VDAC1: variants seen among roughly 807,000 people sequenced by gnomAD.
The protein encoded by VDAC1 is voltage dependent anion channel 1.
A neutral mutation model predicts 34.7 loss-of-function variants in VDAC1; 10 were observed. The observed-to-expected ratio is 0.29, with a 90% CI of 0.18 to 0.49. VDAC1 has a LOEUF of 0.49. Among genes scored for constraint, VDAC1 ranks in the 20% least tolerant of loss-of-function variants. The probability of loss-of-function intolerance (pLI) is 0.99; values close to 1 mark genes in which losing one functional copy is unlikely to be tolerated. For synonymous variants in VDAC1, 130 were observed against 136.0 expected, an observed-to-expected ratio of 0.96 and a Z score of 0.30; for missense variants, 230 against 347.9, an observed-to-expected ratio of 0.66 and a Z score of 2.69.
chr5:134,071,296 G>A, the VDAC1 span, among the ~76,000 whole-genome samples: 1 of 152,224 alleles, frequency 6.6e-6, no homozygotes, highest in Non-Finnish European at 1.5e-5. The surrounding 1 kb of genome is among the most constrained non-coding windows in gnomAD (Gnocchi z 4.1). Flanking sequence ...GGCAGCCAGC[G>A]CGGCCACTTC....
At chr5:134,080,318 G>A in the VDAC1 span, among the ~76,000 whole-genome samples, 2 of 152,194 alleles carry the variant, frequency 1.3e-5, no homozygotes, top group Non-Finnish European at 2.9e-5. Context: ...CCCGGCCTGG[G>A]GTCGAGCCAG....
At chr5:133,988,815 T>G (rs545274438) in intron 5 of VDAC1, 1 of 151,362 alleles carries the variant, frequency 6.6e-6, no homozygotes, top group African/African-American at 2.4e-5. Flanking sequence ...TGTTTTATAC[T>G]GCATGGCCTG....
chr5:133,997,707 C>CAAAAAA (rs67591375), intron 1 of VDAC1, among the ~76,000 whole-genome samples: 45 of 57,500 alleles, frequency 7.8e-4, no homozygotes, highest in African/African-American at 1.3e-3. Context: ...GACTGTCTCA[C>CAAAAAA]AAAAAAAAAA....
chr5:133,973,772 A>G lies in VDAC1; in HGVS notation c.760+19T>C, dbSNP rs1401766396. The G allele has an allele frequency of 1.2e-6, 2 of 1,605,062 alleles. No individual in the cohort carries two copies. The highest frequency in any genetic ancestry group is 4.5e-5 in the East Asian group (2 of 44,840). ...TTTTTTAAGATAAAGAACCGATTTC[A>G]CACACAAGCAACACATACCTGGCTT... is the stretch of plus-strand genomic sequence containing the variant. On this transcript the variant is annotated intron_variant, in intron 8 of 8. Transcript: ENST00000265333.
chr5:134,102,487 G>A, the VDAC1 span, among the ~76,000 whole-genome samples: 11,307 of 152,050 alleles, frequency 0.074, 754 homozygotes, highest in East Asian at 0.37. Context: ...TGACCAACAT[G>A]GAGAAACCCC....
At chr5:134,087,576 C>T in the VDAC1 span, among the ~76,000 whole-genome samples, 373 of 152,300 alleles carry the variant, frequency 2.4e-3, 3 homozygotes, top group African/African-American at 8.6e-3. Flanking sequence ...AAAGAGCGGC[C>T]GGGCATGGTG....
chr5:134,008,401 CAAG>C (rs1753789170), upstream of VDAC1, among the ~76,000 whole-genome samples: 1 of 152,314 alleles, frequency 6.6e-6, no homozygotes, highest in African/African-American at 2.4e-5. Context: ...CTCCTCCATT[CAAG>C]AAGAACAATG....
chr5:134,087,642 G>A, the VDAC1 span, among the ~76,000 whole-genome samples: 1 of 152,118 alleles, frequency 6.6e-6, no homozygotes, highest in Non-Finnish European at 1.5e-5. Flanking sequence ...ATCACCTGAG[G>A]TCAGGAGTTC....
chr5:134,003,507 C>T (rs891531055), intron 1 of VDAC1, among the ~76,000 whole-genome samples: 2 of 152,188 alleles, frequency 1.3e-5, no homozygotes, highest in Non-Finnish European at 2.9e-5. Context: ...CAAGATTTTT[C>T]ATAAATTAAG....
the VDAC1 span, among the ~76,000 whole-genome samples, chr5:134,053,677 G>A: frequency 6.6e-6 from 1 of 152,212 alleles, no homozygotes; most frequent in Non-Finnish European, 1.5e-5. Flanking sequence ...TTTCTCTCCA[G>A]CCTCCACTTT....
At chr5:134,067,832 C>T in the VDAC1 span, among the ~76,000 whole-genome samples, 2 of 152,154 alleles carry the variant, frequency 1.3e-5, no homozygotes, top group African/African-American at 4.8e-5. Context: ...GAATGCTTCA[C>T]TTCAGTTGGG....
At chr5:134,044,051 C>T in the VDAC1 span, among the ~76,000 whole-genome samples, 3 of 152,154 alleles carry the variant, frequency 2.0e-5, no homozygotes, top group African/African-American at 2.4e-5. Flanking sequence ...GCACAGACTG[C>T]GACTCAAACC....
At chr5:134,087,033 G>A in the VDAC1 span, among the ~76,000 whole-genome samples, 1 of 152,094 alleles carries the variant, frequency 6.6e-6, no homozygotes, top group Non-Finnish European at 1.5e-5. Flanking sequence ...TCATGAGGGC[G>A]GCGTGCGGTG....
chr5:134,113,660 A>C, the VDAC1 span, among the ~76,000 whole-genome samples: 2 of 152,286 alleles, frequency 1.3e-5, no homozygotes, highest in African/African-American at 2.4e-5. Context: ...TCTTTTGTAG[A>C]TGCAGGGGCT....
At chr5:134,114,201 A>G in the VDAC1 span, among the ~76,000 whole-genome samples, 1 of 152,188 alleles carries the variant, frequency 6.6e-6, no homozygotes, top group African/African-American at 2.4e-5. Flanking sequence ...GGATGGGGCA[A>G]GAGCCGCAAC....
At chr5:134,102,345 C>T in the VDAC1 span, among the ~76,000 whole-genome samples, 1 of 151,778 alleles carries the variant, frequency 6.6e-6, no homozygotes, top group African/African-American at 2.4e-5. Context: ...CCCCCCCCAC[C>T]CCAAAGCTTT....
chr5:133,996,894 A>C (rs1375513799), intron 1 of VDAC1, among the ~76,000 whole-genome samples: 1 of 152,102 alleles, frequency 6.6e-6, no homozygotes, highest in Non-Finnish European at 1.5e-5. Flanking sequence ...TCAACTAGCA[A>C]TGACCTCCAC....
At chr5:133,988,477 T>A (rs1174737142) in intron 5 of VDAC1, among the ~76,000 whole-genome samples, 1 of 151,820 alleles carries the variant, frequency 6.6e-6, no homozygotes, top group South Asian at 2.1e-4. Context: ...TCCCGGCTAC[T>A]CGGGAGGCTG....
chr5:133,985,459 GC>G (rs1392189153), intron 5 of VDAC1, among the ~76,000 whole-genome samples: 1 of 152,172 alleles, frequency 6.6e-6, no homozygotes, highest in East Asian at 1.9e-4. Context: ...TTGGAGACCA[GC>G]CTGGCCAACA....
Sources: allele counts gnomAD v4.1 joint callset (sites outside exome capture counted in the v4.1 genomes callset), GRCh38; gene constraint gnomAD v4.1.1; non-coding constraint Gnocchi (gnomAD v3.1); transcripts MANE v1.5; gene names NCBI Gene and HGNC (gene_info 2026-07-23, HGNC 2026-07-21).